INTS12: variants seen among roughly 807,000 people sequenced by gnomAD.
The protein encoded by INTS12 is PHD finger protein 22.
INTS12 carries 13 observed loss-of-function variants against 41.6 expected under a neutral mutation model. That is an observed-to-expected ratio of 0.31 (90% CI 0.20 to 0.50). The LOEUF is 0.50. Among genes scored for constraint, INTS12 ranks in the 20% least tolerant of loss-of-function variants. The probability of loss-of-function intolerance (pLI) is 0.98; values close to 1 mark genes in which losing one functional copy is unlikely to be tolerated. For synonymous variants in INTS12, 199 were observed against 191.4 expected (o/e 1.04, Z -0.33); for missense variants, 432 against 541.6 (o/e 0.80, Z 2.01).
intron 1 of INTS12, chr4:105,708,310 C>G: frequency 1.0e-6 from 1 of 985,510 alleles, no homozygotes; most frequent in Non-Finnish European, 1.2e-6. Flanking sequence ...GACAGGGGAG[C>G]CAAAAGATGA....
chr4:105,705,442 T>C (rs1476090594), intron 1 of INTS12: 4 of 152,214 alleles, frequency 2.6e-5, no homozygotes, highest in Non-Finnish European at 4.4e-5. Flanking sequence ...ATAAGAGAAA[T>C]AAAGTGCACA....
In INTS12 at chr4:105,692,111, A is replaced by G; in HGVS notation, c.522T>C (p.Asn174=). The change falls in exon 6 of 8, where the codon AAT becomes AAC. Residue 174 remains asparagine, a synonymous_variant. Coordinates refer to ENST00000340139, the MANE Select transcript of INTS12 (RefSeq NM_020395.4). ...GGCACTCCTGACATTCTACTAATTG[A>G]TTGCCAGATGCCACCATCATTTGCC... ...VCRQMMVASG[N]QLVECQECHN... 6.2e-7 allele frequency: 1 copy of G among 1,610,908 alleles called. No individual in the cohort carries two copies. Among genetic ancestry groups the G allele is most frequent in the Non-Finnish European group, 8.5e-7 (1 of 1,178,726 alleles).
At chr4:105,693,083 T>G (rs1560776662) in intron 5 of INTS12, among the ~76,000 whole-genome samples, 1 of 152,224 alleles carries the variant, frequency 6.6e-6, no homozygotes, top group Non-Finnish European at 1.5e-5. Flanking sequence ...ATAACAGATT[T>G]AAAAGCCATA....
chr4:105,686,616 T>C (rs1731506076), intron 7 of INTS12, 76 bp downstream of exon 7: 2 of 1,166,248 alleles, frequency 1.7e-6, no homozygotes, highest in African/African-American at 3.1e-5. Context: ...TCTCATTAAA[T>C]TTTTTATCAA....
intron 2 of INTS12, among the ~76,000 whole-genome samples, chr4:105,703,309 A>C (rs951481550): frequency 2.0e-4 from 30 of 152,358 alleles, no homozygotes; most frequent in Admixed American, 1.1e-3. Flanking sequence ...ACCACTTTAA[A>C]GCTTTCGCTG....
At chr4:105,686,660 A>G (rs1731507856) in intron 7 of INTS12, 32 bp downstream of exon 7, 1 of 1,516,870 alleles carries the variant, frequency 6.6e-7, no homozygotes, top group African/African-American at 1.4e-5. Flanking sequence ...ACTTTAAGAT[A>G]TAATCTTAGA....
rs943424713 is a variant in INTS12, at chr4:105,708,622, G to A, written c.-172+16C>T. 8.1e-6 allele frequency: 8 copies of A among 984,502 alleles called. No individual in the cohort carries two copies. In the Admixed American group the frequency reaches 1.9e-4, roughly 23 times the overall value. The allele number at this position is 984,502 out of a possible 1,614,324, so 61.0% of individuals were successfully genotyped here. A position where few individuals can be genotyped will look rare whatever the true frequency, so the allele number is the denominator to read the frequency against. ...CCTCCAGGAGGCCAGGAGCAGAGTC[G>A]CTCAGCATAACTCACCGTTCCGCCC... is the stretch of plus-strand genomic sequence containing the variant. On this transcript the variant is annotated intron_variant, in intron 1 of 7. Transcript: ENST00000340139.
At chr4:105,694,875 A>G (rs908974492) in intron 4 of INTS12, among the ~76,000 whole-genome samples, 1 of 151,988 alleles carries the variant, frequency 6.6e-6, no homozygotes, top group Non-Finnish European at 1.5e-5. Flanking sequence ...CCACTCTATA[A>G]AGTTTATGTT....
chr4:105,697,566 C>A lies in INTS12; in HGVS notation c.157-1898G>T, dbSNP rs376873641. Reference sequence around the variant, plus strand: ...TATAAACAGTTATATTAGAACACAGCCACACCCATTCATTTTATAATGTAT... The same window carrying A: ...TATAAACAGTTATATTAGAACACAGACACACCCATTCATTTTATAATGTAT... On this transcript the variant is annotated intron_variant, in intron 3 of 7. Coordinates refer to ENST00000340139, the MANE Select transcript of INTS12 (RefSeq NM_020395.4). Among the ~76,000 whole-genome samples, 11 of 152,116 alleles carry A rather than the reference C, an allele frequency of 7.2e-5. No individual in the cohort carries two copies. In the East Asian group the frequency reaches 2.1e-3, roughly 29 times the overall value.
rs747052877 is a variant in INTS12 at position 105,693,258 on chromosome 4, T to C, written c.497+41A>G. 4 of 1,500,112 alleles carry C rather than the reference T, an allele frequency of 2.7e-6. No homozygotes were observed. In the South Asian group the frequency reaches 5.3e-5, roughly 20 times the overall value. 92.9% of individuals were successfully genotyped at this position (1,500,112 alleles called of 1,614,324 possible). A position where few individuals can be genotyped will look rare whatever the true frequency, so the allele number is the denominator to read the frequency against. On this transcript the variant is annotated intron_variant, in intron 5 of 7. Transcript: ENST00000340139. ...AGGAGTGGAAAGGGTCATGTGTTCT[T>C]TATAAAGTAACAAAAGAATCTGTGG... is the stretch of plus-strand genomic sequence containing the variant.
Position 105,686,976 on chromosome 4 carries a change from T to C in INTS12, c.658-138A>G, listed in dbSNP as rs1166608093. ...AAATAGTGTGATGATAATGAATATA[T>C]ATGCTCTTTGACAAATTATTATCAT... On this transcript the variant is annotated intron_variant, in intron 6 of 7. Transcript: ENST00000340139. 2.3e-5 allele frequency: 16 copies of C among 703,156 alleles called. No individual in the cohort carries two copies. In the South Asian group the frequency reaches 2.8e-4, roughly 12 times the overall value. 43.6% of individuals were successfully genotyped at this position (703,156 alleles called of 1,614,324 possible).
At chr4:105,697,963 T>C (rs1731927864) in intron 3 of INTS12, among the ~76,000 whole-genome samples, 1 of 152,088 alleles carries the variant, frequency 6.6e-6, no homozygotes, top group Non-Finnish European at 1.5e-5. Flanking sequence ...AGTGGGAGGA[T>C]TGCTTGAACC....
Position 105,682,935 on chromosome 4 carries a change from C to T in INTS12, c.1187G>A (p.Gly396Glu), listed in dbSNP as rs1198238391. 6.2e-7 allele frequency: 1 copy of T among 1,614,110 alleles called. No individual in the cohort carries two copies. The highest frequency in any genetic ancestry group is 8.5e-7 in the Non-Finnish European group (1 of 1,179,972). The stretch of plus-strand genomic sequence containing the variant: ...ATTCCCACTTAGTTGGCTGCTGCTT[C>T]CTGGAACTAAACTACTTGGACTAGG... ...GLPSPSSLVP[G>E]SSSQLSGNGN... Residue 396 changes from glycine (G) to glutamate (E), a missense_variant, in exon 8 of 8, where the codon GGA (glycine) becomes GAA (glutamate). Gly to Glu is a moderately conservative substitution (Grantham distance 98, BLOSUM62 -2). Transcript: ENST00000340139.
At chr4:105,703,223 T>C (rs1732145377) in intron 2 of INTS12, among the ~76,000 whole-genome samples, 1 of 152,230 alleles carries the variant, frequency 6.6e-6, no homozygotes, top group Non-Finnish European at 1.5e-5. Flanking sequence ...GAAAGATATT[T>C]AATATATTAA....
chr4:105,691,563 A>T (rs1011192556), intron 6 of INTS12, among the ~76,000 whole-genome samples: 1 of 152,180 alleles, frequency 6.6e-6, no homozygotes, highest in African/African-American at 2.4e-5. Flanking sequence ...CTCTGTACAC[A>T]TCTTATCCAT....
intron 1 of INTS12, 143 bp downstream of exon 1, chr4:105,708,495 G>C (rs571560869): frequency 1.0e-6 from 1 of 985,402 alleles, no homozygotes; most frequent in South Asian, 4.7e-5. Context: ...GTCAGTCTAG[G>C]GCACGCAACC....
intron 7 of INTS12, among the ~76,000 whole-genome samples, chr4:105,684,436 T>A (rs775801291): frequency 6.6e-6 from 1 of 152,122 alleles, no homozygotes; most frequent in Non-Finnish European, 1.5e-5. Flanking sequence ...CAGTTATAAT[T>A]TAGAACTTTA....
rs891686329 is a variant in INTS12, at chr4:105,708,648, C to A, written c.-182G>T. 11 of 969,862 alleles carry A rather than the reference C, an allele frequency of 1.1e-5. No individual in the cohort carries two copies. The Middle Eastern group carries it at 1.6e-3, about 138-fold the overall frequency. The allele number at this position is 969,862 out of a possible 1,614,324, so 60.1% of individuals were successfully genotyped here. On this transcript the variant is annotated 5_prime_UTR_variant, in exon 1 of 8. Coordinates refer to ENST00000340139, the MANE Select transcript of INTS12 (RefSeq NM_020395.4). ...CTCAGCATAACTCACCGTTCCGCCC[C>A]GCCCTGCCGATCCGTCTGTTCCCGG...
intron 1 of INTS12, among the ~76,000 whole-genome samples, chr4:105,707,630 T>C (rs1007411019): frequency 2.0e-5 from 3 of 152,174 alleles, no homozygotes; most frequent in Non-Finnish European, 4.4e-5. Flanking sequence ...TGGGGACTTG[T>C]AGTACAATGT....
Sources: gnomAD v4.1 joint callset for allele counts (sites outside exome capture counted in the v4.1 genomes callset) on GRCh38, gnomAD v4.1.1 for gene constraint, MANE v1.5 for transcripts, NCBI Gene and HGNC (gene_info 2026-07-23, HGNC 2026-07-21) for gene names.